GOLGB1: variants seen among roughly 807,000 people sequenced by gnomAD.
GOLGB1 encodes the protein golgin B1.
In GOLGB1, 174 loss-of-function variants were observed where a neutral mutation model predicts 336.9. The ratio of observed to expected loss-of-function variants is 0.52; its 90% CI spans 0.46 to 0.59. The LOEUF (loss-of-function observed/expected upper bound fraction) is 0.59. Ranked by LOEUF, GOLGB1 falls within the 20% of genes least tolerant of loss-of-function variation. The pLI is 0.00. For synonymous variants in GOLGB1, 1,208 were observed against 1,289.2 expected (o/e 0.94, Z 1.35); for missense variants, 3,331 against 3,645.3 (o/e 0.91, Z 2.22).
At chr3:121,688,431 G>A (rs780276347) in intron 14 of GOLGB1, among the ~76,000 whole-genome samples, 15 of 152,258 alleles carry the variant, frequency 9.9e-5, no homozygotes, top group South Asian at 2.1e-4. Flanking sequence ...CGAGTGATCC[G>A]CCAACCTCGG....
intron 17 of GOLGB1, among the ~76,000 whole-genome samples, chr3:121,671,527 TATAC>T (rs1456535696): frequency 6.6e-6 from 1 of 152,248 alleles, no homozygotes; most frequent in Non-Finnish European, 1.5e-5. Context: ...GTATAATAGA[TATAC>T]ATAGTTTCAG....
In GOLGB1 at chr3:121,697,209, G is replaced by T. The variant is rs1943026809; in HGVS notation, c.3314C>A (p.Thr1105Asn). Reference sequence around the variant, plus strand: ...TATTTGGTTTGTTTTATCTTGCAAGGTCTGATTCATCTGTTTGACCAGAGC... The same window carrying T: ...TATTTGGTTTGTTTTATCTTGCAAGTTCTGATTCATCTGTTTGACCAGAGC... ...FQALVKQMNQ[T>N]LQDKTNQIDL... Residue 1105 changes from threonine to asparagine, a missense_variant, in exon 13 of 22, where the codon ACC becomes AAC. Coordinates refer to ENST00000614479, the MANE Select transcript of GOLGB1 (RefSeq NM_001366282.2). 6.2e-7 allele frequency: 1 copy of T among 1,614,044 alleles called. No homozygotes were observed. Among genetic ancestry groups the T allele is most frequent in the East Asian group, 2.2e-5 (1 of 44,878 alleles).
chr3:121,664,045 C>T lies in GOLGB1; in HGVS notation c.*435G>A, dbSNP rs1938253199. On this transcript the variant is annotated 3_prime_UTR_variant, in exon 22 of 22. Coordinates refer to ENST00000614479, the MANE Select transcript of GOLGB1 (RefSeq NM_001366282.2). ...TGTTTATGGCAGAGCCACCTTCCCC[C>T]TGAAACAGGAGAAAATACAGGCAAA... 5.6e-6 allele frequency: 1 copy of T among 178,584 alleles called. No homozygotes were observed. The highest frequency in any genetic ancestry group is 1.2e-5 in the Non-Finnish European group (1 of 82,468). The allele number at this position is 178,584 out of a possible 1,614,324, so 11.1% of individuals were successfully genotyped here. A position where few individuals can be genotyped will look rare whatever the true frequency, so the allele number is the denominator to read the frequency against.
chr3:121,668,798 A>G (rs1018338996), intron 18 of GOLGB1, among the ~76,000 whole-genome samples: 1 of 149,860 alleles, frequency 6.7e-6, no homozygotes, highest in Non-Finnish European at 1.5e-5. Flanking sequence ...TCCGTATCCT[A>G]TACGTCTCCA....
Position 121,686,129 on chromosome 3 carries a change from G to A in GOLGB1, c.8695-4264C>T, listed in dbSNP as rs151307684. Among the ~76,000 whole-genome samples the A allele has an allele frequency of 1.1e-4, 16 of 152,294 alleles. No homozygotes were observed. In the South Asian group the frequency reaches 2.5e-3, roughly 24 times the overall value. ...ATTATATTTACTGTAGAGAAGTAAT[G>A]GATGTTTCACAACTGCACAGTGTTC... On this transcript the variant is annotated intron_variant, in intron 14 of 21. Transcript: ENST00000614479.
chr3:121,729,618 T>C (rs555626326), intron 3 of GOLGB1, among the ~76,000 whole-genome samples: 1 of 152,176 alleles, frequency 6.6e-6, no homozygotes, highest in South Asian at 2.1e-4. Context: ...GGTCTCACTA[T>C]GTTGCCCAGG....
chr3:121,696,590 C>T lies in GOLGB1; in HGVS notation c.3933G>A (p.Gln1311=). The change falls in exon 13 of 22, where the codon CAG becomes CAA. Residue 1311 remains glutamine (Q), a synonymous_variant. Coordinates refer to ENST00000614479, the MANE Select transcript of GOLGB1 (RefSeq NM_001366282.2). ...CTATTTCCTTCAGCTGGGCCTTAAT[C>T]TGGGCAACAGAAGTTCCGCCCTGCA... The part of the protein sequence containing the change: ...SALQGGTSVA[Q]IKAQLKEIEA... 1 of 1,614,176 alleles carries T rather than the reference C, an allele frequency of 6.2e-7. No individual in the cohort carries two copies. The highest frequency in any genetic ancestry group is 1.1e-5 in the South Asian group (1 of 91,076).
At chr3:121,704,158 T>G (rs1402252169) in intron 10 of GOLGB1, among the ~76,000 whole-genome samples, 2 of 151,134 alleles carry the variant, frequency 1.3e-5, no homozygotes, top group East Asian at 3.9e-4. Context: ...CTCAGGGACA[T>G]GTGGGACAAT....
In GOLGB1 at chr3:121,698,178, T is replaced by C; in HGVS notation, c.2345A>G (p.Glu782Gly). The C allele has an allele frequency of 1.2e-6, 2 of 1,613,842 alleles. No individual in the cohort carries two copies. Among genetic ancestry groups the C allele is most frequent in the Non-Finnish European group, 1.7e-6 (2 of 1,179,950 alleles). Residue 782 changes from glutamate to glycine, a missense_variant, in exon 13 of 22, where the codon GAA becomes GGA. Glu to Gly is a moderately conservative substitution (Grantham distance 98). Coordinates refer to ENST00000614479, the MANE Select transcript of GOLGB1 (RefSeq NM_001366282.2). ...TTCATAATCAAGTCTTCTTTGCCTT[T>C]CTGCTTCTGCAAGGTTCATTTCCAG... ...KQLEMNLAEA[E>G]RQRRLDYESQ...
intron 20 of GOLGB1, among the ~76,000 whole-genome samples, chr3:121,666,434 TAGCAAGTAGAAGAGAAACAGTCATG>T (rs1345074557): frequency 6.6e-6 from 1 of 151,904 alleles, no homozygotes; most frequent in Non-Finnish European, 1.5e-5. Context: ...AACAATTCAA[TAGCAAGTAGAAGAGAAACAGTCATG>T]AGGGCACAGG....
At chr3:121,683,002 G>A (rs1393258214) in intron 14 of GOLGB1, among the ~76,000 whole-genome samples, 14 of 150,734 alleles carry the variant, frequency 9.3e-5, no homozygotes, top group Non-Finnish European at 3.0e-5. Context: ...GGAGGTGATA[G>A]CTGAGATAAG....
chr3:121,688,596 C>A (rs1942038466), intron 14 of GOLGB1, among the ~76,000 whole-genome samples: 1 of 152,218 alleles, frequency 6.6e-6, no homozygotes, highest in African/African-American at 2.4e-5. Context: ...GCAGCCTCTG[C>A]CCCGCCGCCA....
chr3:121,718,273 A>G (rs2108139229), intron 8 of GOLGB1, 115 bp downstream of exon 8: 1 of 649,268 alleles, frequency 1.5e-6, no homozygotes, highest in Non-Finnish European at 2.7e-6. Flanking sequence ...GAAAGAATGA[A>G]TAAATGGCAT....
rs1406005704 is a variant in GOLGB1 at position 121,730,904 on chromosome 3, T to A, written c.68A>T (p.Asp23Val). The A allele has an allele frequency of 2.5e-6, 4 of 1,612,258 alleles. No individual in the cohort carries two copies. Among genetic ancestry groups the A allele is most frequent in the Admixed American group, 1.7e-5 (1 of 59,998 alleles). Reference sequence around the variant, plus strand: ...GTCTAGGGGAGCCCTCATATTCTGATCAGTGTCATCATCTCCTGATAATTC... The same window carrying A: ...GTCTAGGGGAGCCCTCATATTCTGAACAGTGTCATCATCTCCTGATAATTC... ...LHELSGDDDT[D>V]QNMRAPLDPE... The change falls in exon 2 of 22, where the codon GAT (aspartate) becomes GTT (valine). Residue 23 changes from aspartate (D) to valine (V), a missense_variant. Transcript: ENST00000614479.
At chr3:121,712,979 T>C (rs1944468160) in intron 10 of GOLGB1, among the ~76,000 whole-genome samples, 1 of 152,064 alleles carries the variant, frequency 6.6e-6, no homozygotes, top group African/African-American at 2.4e-5. Flanking sequence ...CTGGCCAACA[T>C]GGTGAAACCC....
intron 2 of GOLGB1, 73 bp from the exon 3 acceptor site, chr3:121,730,090 C>A: frequency 9.9e-7 from 1 of 1,014,178 alleles, no homozygotes; most frequent in East Asian, 2.5e-5. Context: ...TTCTTCATTC[C>A]AACTTTTTAT....
Position 121,694,505 on chromosome 3 carries a change from G to A in GOLGB1, c.6018C>T (p.Pro2006=), listed in dbSNP as rs773157470. 56 of 1,610,704 alleles carry A rather than the reference G, an allele frequency of 3.5e-5. No individual in the cohort carries two copies. In the Admixed American group the frequency reaches 6.2e-4, roughly 18 times the overall value. The change falls in exon 13 of 22, where the codon CCC becomes CCT. Residue 2006 remains proline, a synonymous_variant. Coordinates refer to ENST00000614479, the MANE Select transcript of GOLGB1 (RefSeq NM_001366282.2). ...LEKIQGAQKE[P]GNKSHAKELQ... ...GTTCCTTTGCATGGCTTTTATTTCC[G>A]GGTTCTTTCTGAGCACCTTGTATTT...
chr3:121,696,642 G>A lies in GOLGB1; in HGVS notation c.3881C>T (p.Pro1294Leu), dbSNP rs1440052232. Residue 1294 changes from proline (P) to leucine (L), a missense_variant, in exon 13 of 22, where the codon CCT becomes CTT. Physicochemically the swap from Pro to Leu is moderately conservative, Grantham distance 98 (BLOSUM62 -3). Coordinates refer to ENST00000614479, the MANE Select transcript of GOLGB1 (RefSeq NM_001366282.2). Reference protein sequence around the residue: ...VLESNLCPDWPSHSEDASALQ... With the variant: ...VLESNLCPDWLSHSEDASALQ... ...AGCACTCGCATCTTCAGAATGAGAA[G>A]GCCAGTCTGGGCACAAGTTGGACTC... 1 of 1,614,168 alleles carries A rather than the reference G, an allele frequency of 6.2e-7. No individual in the cohort carries two copies. Among genetic ancestry groups the A allele is most frequent in the African/African-American group, 1.3e-5 (1 of 75,040 alleles).
chr3:121,727,323 T>A (rs1230384221), intron 4 of GOLGB1, among the ~76,000 whole-genome samples: 830 of 54,490 alleles, frequency 0.015, 3 homozygotes, highest in East Asian at 0.038. Flanking sequence ...TATATATATT[T>A]TTTTTTTTTT....
Sources: gnomAD v4.1 joint callset for allele counts (sites outside exome capture counted in the v4.1 genomes callset) on GRCh38, gnomAD v4.1.1 for gene constraint, MANE v1.5 for transcripts, NCBI Gene and HGNC (gene_info 2026-07-23, HGNC 2026-07-21) for gene names.